TSHR: variants seen among roughly 807,000 people sequenced by gnomAD.
TSHR encodes the protein thyrotropin receptor.
A neutral mutation model predicts 64.1 loss-of-function variants in TSHR; 51 were observed. The observed-to-expected ratio is 0.80, with a 90% CI of 0.64 to 1.01. The LOEUF is 1.01. TSHR is among the 50% of genes least tolerant of loss of function. TSHR has a pLI of 0.00. For missense variants in TSHR, 877 were observed against 942.8 expected (o/e 0.93, Z 0.91); for synonymous variants, 361 against 361.9 (o/e 1.00, Z 0.03).
At chr14:81,120,154 A>C (rs1187103424) in intron 8 of TSHR, among the ~76,000 whole-genome samples, 1 of 151,018 alleles carries the variant, frequency 6.6e-6, no homozygotes, top group African/African-American at 2.4e-5. Flanking sequence ...CAATGTGCAC[A>C]TGTACCCTAA....
At chr14:81,074,365 A>G (rs1368717675) in intron 3 of TSHR, among the ~76,000 whole-genome samples, 1 of 152,172 alleles carries the variant, frequency 6.6e-6, no homozygotes, top group Admixed American at 6.5e-5. Context: ...TGTTTAATAC[A>G]TTTGTTTTAT....
chr14:81,028,361 A>G (rs550061996), intron 1 of TSHR, among the ~76,000 whole-genome samples: 79 of 152,266 alleles, frequency 5.2e-4, no homozygotes, highest in African/African-American at 1.9e-3. Flanking sequence ...GAGGAGAAAA[A>G]GGGAAATCAG....
intron 1 of TSHR, chr14:81,053,809 A>G (rs1885575778): frequency 6.6e-6 from 1 of 152,200 alleles, no homozygotes; most frequent in Non-Finnish European, 1.5e-5. Flanking sequence ...ACTAGAAACA[A>G]CCATCAACTG....
chr14:81,099,051 T>A (rs1432341470), intron 7 of TSHR, among the ~76,000 whole-genome samples: 2 of 152,136 alleles, frequency 1.3e-5, no homozygotes, highest in Non-Finnish European at 2.9e-5. Context: ...TACAGAGCAA[T>A]AATTCTCAAC....
chr14:80,963,330 T>C (rs971467517), intron 1 of TSHR, among the ~76,000 whole-genome samples: 3 of 152,224 alleles, frequency 2.0e-5, no homozygotes, highest in African/African-American at 7.2e-5. Flanking sequence ...TATGGAACCA[T>C]CCACTGGTTT....
rs187836634 is a variant in TSHR, at chr14:81,029,388, G to C, written c.171-32760G>C. 3.2e-3 allele frequency among the ~76,000 whole-genome samples: 483 copies of C among 152,108 alleles called. 2 individuals carry two copies. Among genetic ancestry groups the C allele is most frequent in the African/African-American group, 0.011 (470 of 41,498 alleles). On this transcript the variant is annotated intron_variant, in intron 1 of 9. Coordinates refer to ENST00000298171, the MANE Select transcript of TSHR (RefSeq NM_000369.5). ...ATATATTTCATACCCTAGGAGTTTAGATCATATAGCATGATAGTGAAGGGA... is the reference window on the plus strand; with the variant it reads ...ATATATTTCATACCCTAGGAGTTTACATCATATAGCATGATAGTGAAGGGA...
intron 8 of TSHR, among the ~76,000 whole-genome samples, chr14:81,136,182 A>C (rs1476109045): frequency 6.6e-6 from 1 of 152,228 alleles, no homozygotes; most frequent in Non-Finnish European, 1.5e-5. Flanking sequence ...TTTAGGCAGG[A>C]AAGTGACATT....
chr14:81,113,451 A>G (rs943012032), intron 8 of TSHR, among the ~76,000 whole-genome samples: 1 of 152,166 alleles, frequency 6.6e-6, no homozygotes. Flanking sequence ...GGTCAGGGCT[A>G]GAGATATATT....
intron 1 of TSHR, among the ~76,000 whole-genome samples, chr14:81,029,997 C>T (rs1297937119): frequency 6.6e-6 from 1 of 152,136 alleles, no homozygotes; most frequent in Non-Finnish European, 1.5e-5. Context: ...GAGTTCTGCA[C>T]AAAGGCCTCT....
chr14:81,056,549 A>C (rs1885813549), intron 1 of TSHR, among the ~76,000 whole-genome samples: 1 of 152,174 alleles, frequency 6.6e-6, no homozygotes, highest in African/African-American at 2.4e-5. Flanking sequence ...CTTCAATACA[A>C]AAAATTATGC....
chr14:81,051,843 G>C (rs1885450418), intron 1 of TSHR: 1 of 152,118 alleles, frequency 6.6e-6, no homozygotes, highest in Admixed American at 6.6e-5. Context: ...CTTCTTCTGA[G>C]AAGTGTCTAT....
At chr14:81,137,235 T>A (rs375836832) in intron 8 of TSHR, among the ~76,000 whole-genome samples, 1 of 152,158 alleles carries the variant, frequency 6.6e-6, no homozygotes, top group African/African-American at 2.4e-5. Context: ...TCCAGAGTGA[T>A]CCCTGGACTA....
chr14:81,000,005 C>T (rs1039219705), intron 1 of TSHR, among the ~76,000 whole-genome samples: 2 of 146,408 alleles, frequency 1.4e-5, no homozygotes, highest in Non-Finnish European at 3.0e-5. Context: ...GATCTTGGCT[C>T]ACTGCAACTT....
chr14:80,992,217 T>C (rs1370866700), intron 1 of TSHR: 2 of 152,086 alleles, frequency 1.3e-5, no homozygotes, highest in Non-Finnish European at 2.9e-5. Flanking sequence ...CTGGCCAACA[T>C]GGTGAAACCC....
intron 1 of TSHR, among the ~76,000 whole-genome samples, chr14:81,018,438 A>C (rs1168517604): frequency 6.6e-6 from 1 of 152,206 alleles, no homozygotes; most frequent in Non-Finnish European, 1.5e-5. Flanking sequence ...CACACAGCGA[A>C]TGAGGAAGCA....
chr14:80,983,472 A>G, intron 1 of TSHR: 1 of 1,353,072 alleles, frequency 7.4e-7, no homozygotes, highest in Non-Finnish European at 1.0e-6. Flanking sequence ...ATCAAAACTC[A>G]TCTTTAACCA....
chr14:81,050,617 T>C (rs1885382420), intron 1 of TSHR: 1 of 152,210 alleles, frequency 6.6e-6, no homozygotes, highest in South Asian at 2.1e-4. Context: ...TACATCTTCA[T>C]AGCAACTCCA....
chr14:81,092,831 T>G (rs554238556), intron 6 of TSHR, among the ~76,000 whole-genome samples: 3 of 152,268 alleles, frequency 2.0e-5, no homozygotes, highest in African/African-American at 7.2e-5. Context: ...ACGGCAGTGG[T>G]TGGTACATTT....
rs1403333553 is a variant in TSHR, at chr14:81,096,634, T to G, written c.546-5T>G. The G allele has an allele frequency of 1.2e-6, 2 of 1,613,316 alleles. No homozygotes were observed. Among genetic ancestry groups the G allele is most frequent in the Non-Finnish European group, 8.5e-7 (1 of 1,179,484 alleles). On this transcript the variant is annotated splice_polypyrimidine_tract_variant and splice_region_variant and intron_variant, in intron 6 of 9. Coordinates refer to ENST00000298171, the MANE Select transcript of TSHR (RefSeq NM_000369.5). The stretch of plus-strand genomic sequence containing the variant: ...ACTGATTTCTCTTCTCTCTGTTGGT[T>G]GTAGGAAGCTGTACAACAATGGCTT...
Sources: allele counts gnomAD v4.1 joint callset (sites outside exome capture counted in the v4.1 genomes callset), GRCh38; gene constraint gnomAD v4.1.1; transcripts MANE v1.5; gene names NCBI Gene and HGNC (gene_info 2026-07-23, HGNC 2026-07-21).